Variants in KLHL29 observed in about 807,000 individuals in gnomAD.
The protein encoded by KLHL29 is kelch like family member 29.
Under a neutral mutation model 80.4 loss-of-function variants are expected in KLHL29, and 21 were observed. The ratio of observed to expected loss-of-function variants is 0.26; its 90% CI spans 0.19 to 0.38. The LOEUF (loss-of-function observed/expected upper bound fraction) is 0.38. Among genes scored for constraint, KLHL29 ranks in the 10% least tolerant of loss-of-function variants. The pLI is 1.00. For synonymous variants in KLHL29, 511 were observed against 526.8 expected, an observed-to-expected ratio of 0.97 and a Z score of 0.41; for missense variants, 867 against 1,223.9, an observed-to-expected ratio of 0.71 and a Z score of 4.35.
intron 2 of KLHL29, among the ~76,000 whole-genome samples, chr2:23,481,045 G>A (rs56331748): frequency 0.21 from 32,203 of 152,088 alleles, 3,636 homozygotes; most frequent in African/African-American, 0.28. Context: ...CTCTCGAAAC[G>A]GTAACTCTCA....
At chr2:23,408,502 C>T (rs934113873) in intron 1 of KLHL29, among the ~76,000 whole-genome samples, 1 of 152,058 alleles carries the variant, frequency 6.6e-6, no homozygotes, top group African/African-American at 2.4e-5. Context: ...CATGTGAGCT[C>T]TGTGCTGCTC....
intron 3 of KLHL29, among the ~76,000 whole-genome samples, chr2:23,589,213 G>A (rs1668194468): frequency 6.6e-6 from 1 of 152,262 alleles, no homozygotes; most frequent in Non-Finnish European, 1.5e-5. Context: ...CTTGCCTGCA[G>A]GAATGGAGAA....
chr2:23,430,481 T>C (rs1663139384), intron 1 of KLHL29, among the ~76,000 whole-genome samples: 1 of 152,188 alleles, frequency 6.6e-6, no homozygotes, highest in African/African-American at 2.4e-5. Context: ...TTCACAAACC[T>C]GCCTTAGCTC....
intron 2 of KLHL29, among the ~76,000 whole-genome samples, chr2:23,495,353 G>A (rs1266206392): frequency 6.6e-6 from 1 of 152,136 alleles, no homozygotes; most frequent in Non-Finnish European, 1.5e-5. Flanking sequence ...TGGTGAGGTG[G>A]GTCCAGGTCA....
intron 1 of KLHL29, among the ~76,000 whole-genome samples, chr2:23,454,427 C>T (rs192431589): frequency 5.8e-4 from 88 of 152,186 alleles, no homozygotes; most frequent in African/African-American, 1.9e-3. Flanking sequence ...TGTTTTAAAA[C>T]GAATTTTATT....
intron 2 of KLHL29, among the ~76,000 whole-genome samples, chr2:23,523,424 T>C (rs1382500275): frequency 1.3e-5 from 2 of 152,144 alleles, no homozygotes; most frequent in Admixed American, 6.5e-5. Flanking sequence ...ATCCTAAAAT[T>C]TTAGTCTTAT....
At chr2:23,673,952 A>G (rs1320193826) in intron 5 of KLHL29, among the ~76,000 whole-genome samples, 1 of 152,186 alleles carries the variant, frequency 6.6e-6, no homozygotes, top group Non-Finnish European at 1.5e-5. Context: ...CAGCCACACC[A>G]GTGACCTTCA....
chr2:23,405,515 G>A (rs1395069898), intron 1 of KLHL29, among the ~76,000 whole-genome samples: 2 of 152,140 alleles, frequency 1.3e-5, no homozygotes, highest in Non-Finnish European at 2.9e-5. Flanking sequence ...CCTTTTCCAT[G>A]GCCTATGAGA....
intron 1 of KLHL29, among the ~76,000 whole-genome samples, chr2:23,435,426 G>A (rs1239262538): frequency 1.3e-5 from 2 of 152,156 alleles, no homozygotes; most frequent in African/African-American, 4.8e-5. Flanking sequence ...ATCAGGGAGA[G>A]GCTAGAGACC....
chr2:23,545,584 G>C (rs1666961186), intron 2 of KLHL29, among the ~76,000 whole-genome samples: 1 of 152,216 alleles, frequency 6.6e-6, no homozygotes, highest in African/African-American at 2.4e-5. Context: ...CTCGTGGTAA[G>C]CGAAAGGGGG....
chr2:23,511,472 G>A (rs1456979675), intron 2 of KLHL29, among the ~76,000 whole-genome samples: 1 of 152,314 alleles, frequency 6.6e-6, no homozygotes, highest in African/African-American at 2.4e-5. Context: ...CATGGAGCGG[G>A]GAGTGTTAGG....
rs112321373 is a variant in KLHL29 at position 23,591,871 on chromosome 2, C to T, written c.285+29390C>T. On this transcript the variant is annotated intron_variant, in intron 3 of 13. Transcript: ENST00000486442. Reference sequence around the variant, plus strand: ...GAGCGGTGCACATTCTCATGCTGCTCGTTTCAGCTTCTGCCCTCACTCCTT... The same window carrying T: ...GAGCGGTGCACATTCTCATGCTGCTTGTTTCAGCTTCTGCCCTCACTCCTT... Among the ~76,000 whole-genome samples the T allele has an allele frequency of 8.5e-3, 1,298 of 152,334 alleles. 21 individuals carry two copies. Among genetic ancestry groups the T allele is most frequent in the African/African-American group, 0.029 (1,226 of 41,578 alleles).
At chr2:23,529,459 T>C (rs1223347343) in intron 2 of KLHL29, among the ~76,000 whole-genome samples, 1 of 152,214 alleles carries the variant, frequency 6.6e-6, no homozygotes, top group African/African-American at 2.4e-5. Flanking sequence ...TCCACCACTA[T>C]GCATGCTGCA....
chr2:23,521,829 T>C (rs1185419489), intron 2 of KLHL29, among the ~76,000 whole-genome samples: 1 of 152,224 alleles, frequency 6.6e-6, no homozygotes, highest in Non-Finnish European at 1.5e-5. Flanking sequence ...GTCTTAGTAG[T>C]ATCATTAATT....
At chr2:23,546,118 C>T (rs903313889) in intron 2 of KLHL29, among the ~76,000 whole-genome samples, 1 of 152,196 alleles carries the variant, frequency 6.6e-6, no homozygotes, top group Non-Finnish European at 1.5e-5. Flanking sequence ...TCTCAGGGGC[C>T]CTGACCCCAT....
chr2:23,425,384 C>T (rs527782603), intron 1 of KLHL29, among the ~76,000 whole-genome samples: 2 of 152,210 alleles, frequency 1.3e-5, no homozygotes, highest in Admixed American at 6.5e-5. Context: ...AACCAGTCCC[C>T]GCCTGCTAAG....
chr2:23,511,915 T>G (rs1665784134), intron 2 of KLHL29, among the ~76,000 whole-genome samples: 1 of 152,092 alleles, frequency 6.6e-6, no homozygotes, highest in Admixed American at 6.5e-5. Context: ...GATGTTGTTT[T>G]AAACAGTATT....
At chr2:23,674,465 G>C (rs183425788) in intron 5 of KLHL29, among the ~76,000 whole-genome samples, 4 of 152,202 alleles carry the variant, frequency 2.6e-5, no homozygotes, top group Admixed American at 2.6e-4. Flanking sequence ...CCTGACCCCA[G>C]GGCACTCAGA....
chr2:23,446,349 T>C (rs1190668573), intron 1 of KLHL29, among the ~76,000 whole-genome samples: 1 of 152,190 alleles, frequency 6.6e-6, no homozygotes, highest in Non-Finnish European at 1.5e-5. Context: ...AACTTTCTCT[T>C]CTCTTCCATT....
Sources: allele counts gnomAD v4.1 joint callset (sites outside exome capture counted in the v4.1 genomes callset), GRCh38; gene constraint gnomAD v4.1.1; transcripts MANE v1.5; gene names NCBI Gene and HGNC (gene_info 2026-07-23, HGNC 2026-07-21).